The following ASB3 variants were observed in gnomAD, a reference collection of about 807,000 sequenced individuals.
ASB3 encodes the protein ankyrin repeat and SOCS box containing 3, also known as ankyrin repeat and SOCS box protein 3.
ASB3 carries 41 observed loss-of-function variants against 54.5 expected under a neutral mutation model. The observed-to-expected ratio is 0.75, with a 90% CI of 0.59 to 0.98. The LOEUF (loss-of-function observed/expected upper bound fraction) is 0.98. Ranked by LOEUF, ASB3 falls within the 50% of genes least tolerant of loss-of-function variation. The pLI, the probability that ASB3 is intolerant of heterozygous loss-of-function variation, is 0.00. For synonymous variants in ASB3, 266 were observed against 221.2 expected (o/e 1.20, Z -1.80); for missense variants, 733 against 620.0 (o/e 1.18, Z -1.94).
intron 2 of ASB3, among the ~76,000 whole-genome samples, chr2:53,762,878 A>C (rs1466898990): frequency 6.6e-6 from 1 of 152,266 alleles, no homozygotes. Context: ...CTCTTCTCCA[A>C]CTTGAGTCAG....
chr2:53,720,778 T>G (rs1670660902), intron 5 of ASB3, among the ~76,000 whole-genome samples: 1 of 152,118 alleles, frequency 6.6e-6, no homozygotes. Flanking sequence ...CCACAGAATA[T>G]ATATTCTTCT....
At chr2:53,771,835 A>G in intron 1 of ASB3, 1 of 804,770 alleles carries the variant, frequency 1.2e-6, no homozygotes, top group South Asian at 1.5e-5. Context: ...CATGTCAAAA[A>G]TGTTGCTAAT....
intron 5 of ASB3, among the ~76,000 whole-genome samples, chr2:53,720,647 A>T (rs1194317889): frequency 6.6e-6 from 1 of 152,202 alleles, no homozygotes; most frequent in Non-Finnish European, 1.5e-5. Context: ...GAGATGTCAA[A>T]TCCCATTGAC....
chr2:53,691,910 T>C (rs1241681706), intron 9 of ASB3, among the ~76,000 whole-genome samples: 1 of 151,956 alleles, frequency 6.6e-6, no homozygotes, highest in Non-Finnish European at 1.5e-5. Flanking sequence ...CCCAAGCAGG[T>C]TGTAACAAGG....
chr2:53,733,262 C>T (rs769842829), intron 3 of ASB3, among the ~76,000 whole-genome samples: 3 of 152,156 alleles, frequency 2.0e-5, no homozygotes, highest in Admixed American at 1.3e-4. Flanking sequence ...AGCAAATTAA[C>T]TCTATCCAAT....
chr2:53,693,000 T>C (rs1279395160), intron 9 of ASB3, among the ~76,000 whole-genome samples: 1 of 152,178 alleles, frequency 6.6e-6, no homozygotes. Flanking sequence ...CTGTTTTTGA[T>C]TGAGAAAATT....
intron 7 of ASB3, among the ~76,000 whole-genome samples, chr2:53,702,421 A>G (rs969805291): frequency 6.6e-6 from 1 of 152,194 alleles, no homozygotes; most frequent in Non-Finnish European, 1.5e-5. Flanking sequence ...CTAAGCACAC[A>G]ATAAATCCTT....
intron 1 of ASB3, among the ~76,000 whole-genome samples, chr2:53,785,558 G>C (rs989791893): frequency 1.3e-5 from 2 of 152,206 alleles, no homozygotes; most frequent in East Asian, 3.8e-4. Context: ...CCAAGCCCAG[G>C]GGGGCCAGGC....
In ASB3 at chr2:53,714,649, T is replaced by C. The variant is rs943144127; in HGVS notation, c.783-68A>G. ...TGCATAAATGTAGGCAACATTTCTA[T>C]AGCACAATTTTTTTCAGAATTACCA... is the stretch of plus-strand genomic sequence containing the variant. On this transcript the variant is annotated intron_variant, in intron 6 of 9. Transcript: ENST00000263634. The C allele has an allele frequency of 5.3e-6, 8 of 1,519,446 alleles. No individual in the cohort carries two copies. In the East Asian group the frequency reaches 6.8e-5, roughly 13 times the overall value. The allele number at this position is 1,519,446 out of a possible 1,614,324, so 94.1% of individuals were successfully genotyped here. A position where few individuals can be genotyped will look rare whatever the true frequency, so the allele number is the denominator to read the frequency against.
At chr2:53,694,074 GA>G in intron 8 of ASB3, 60 bp from the exon 9 acceptor site, 3 of 1,582,734 alleles carry the variant, frequency 1.9e-6, no homozygotes, top group Non-Finnish European at 2.6e-6. Flanking sequence ...GTTCGTACTT[GA>G]AACAAACACC....
intron 2 of ASB3, among the ~76,000 whole-genome samples, chr2:53,764,245 G>C (rs1417489112): frequency 6.6e-6 from 1 of 152,116 alleles, no homozygotes; most frequent in African/African-American, 2.4e-5. Flanking sequence ...GGTTCTGAGT[G>C]TTACAATGCA....
At chr2:53,749,917 G>A (rs1354132743) in intron 3 of ASB3, among the ~76,000 whole-genome samples, 1 of 151,934 alleles carries the variant, frequency 6.6e-6, no homozygotes, top group African/African-American at 2.4e-5. Flanking sequence ...TAAAAAGAAT[G>A]AATTTTACTA....
chr2:53,772,340 A>C (rs1394639368), intron 1 of ASB3, among the ~76,000 whole-genome samples: 2 of 151,976 alleles, frequency 1.3e-5, no homozygotes, highest in Non-Finnish European at 2.9e-5. Flanking sequence ...ATGTCTGGCT[A>C]ATTTTTTGTA....
At chr2:53,682,005 A>G (rs1668398728) in intron 9 of ASB3, among the ~76,000 whole-genome samples, 1 of 151,898 alleles carries the variant, frequency 6.6e-6, no homozygotes, top group Admixed American at 6.6e-5. Context: ...TAAAAGTACA[A>G]AAAAATTAGC....
chr2:53,782,111 G>A (rs1674681836), intron 1 of ASB3, among the ~76,000 whole-genome samples: 2 of 152,110 alleles, frequency 1.3e-5, no homozygotes, highest in South Asian at 2.1e-4. Context: ...CCAGAGGTTG[G>A]GATGGCAGTG....
chr2:53,769,991 G>A (rs1673782158), intron 1 of ASB3, among the ~76,000 whole-genome samples: 1 of 152,130 alleles, frequency 6.6e-6, no homozygotes, highest in African/African-American at 2.4e-5. Context: ...TAAGCTACTG[G>A]AACCAAGAAT....
chr2:53,778,978 T>C (rs1291094131), intron 1 of ASB3, among the ~76,000 whole-genome samples: 12 of 152,212 alleles, frequency 7.9e-5, no homozygotes, highest in Non-Finnish European at 5.9e-5. Flanking sequence ...TCCATAACGG[T>C]TGTACTAATT....
At chr2:53,706,516 G>A (rs191818416) in intron 7 of ASB3, among the ~76,000 whole-genome samples, 5 of 151,912 alleles carry the variant, frequency 3.3e-5, no homozygotes, top group Non-Finnish European at 7.4e-5. Context: ...CGTGATCTTG[G>A]CTCACTGCAA....
intron 3 of ASB3, among the ~76,000 whole-genome samples, chr2:53,744,094 T>C (rs1193000534): frequency 6.9e-6 from 1 of 144,742 alleles, no homozygotes; most frequent in East Asian, 2.1e-4. Context: ...CATAGAAAGG[T>C]GGCTGGGCGC....
Sources: allele counts gnomAD v4.1 joint callset (sites outside exome capture counted in the v4.1 genomes callset), GRCh38; gene constraint gnomAD v4.1.1; transcripts MANE v1.5; gene names NCBI Gene and HGNC (gene_info 2026-07-23, HGNC 2026-07-21).